The following TRPC5 variants were observed in gnomAD, a reference collection of about 807,000 sequenced individuals.
TRPC5 encodes the protein short transient receptor potential channel 5.
TRPC5 carries 9 observed loss-of-function variants against 56.5 expected under a neutral mutation model. That is an observed-to-expected ratio of 0.16 (90% CI 0.10 to 0.28). The LOEUF (loss-of-function observed/expected upper bound fraction) is 0.28. Among genes scored for constraint, TRPC5 ranks in the 10% least tolerant of loss-of-function variants. The probability of loss-of-function intolerance (pLI) is 1.00; values close to 1 mark genes in which losing one functional copy is unlikely to be tolerated. For missense variants in TRPC5, 469 were observed against 748.9 expected (o/e 0.63, Z 4.36); for synonymous variants, 282 against 278.5 (o/e 1.01, Z -0.13).
intron 6 of TRPC5, among the ~76,000 whole-genome samples, chrX:111,837,156 G>T (rs772783578): frequency 4.5e-5 from 5 of 112,246 alleles, no homozygotes; most frequent in Non-Finnish European, 9.4e-5. Flanking sequence ...GAGTTCAGGG[G>T]CCAGGGCACA....
In TRPC5 at chrX:111,802,056, G is replaced by C. The variant is rs185250054; in HGVS notation, c.1897-19918C>G. ...AATATAGAGTTAGTTTTTGTGTATG[G>C]TATGAAAAAGGAGCCTTACTTTACT... On this transcript the variant is annotated intron_variant, in intron 7 of 10. Coordinates refer to ENST00000262839, the MANE Select transcript of TRPC5 (RefSeq NM_012471.3). Among the ~76,000 whole-genome samples, 6 of 111,687 alleles carry C rather than the reference G, an allele frequency of 5.4e-5. 1 individual carries two copies. In the Admixed American group the frequency reaches 5.7e-4, roughly 11 times the overall value.
At chrX:111,815,055 T>C (rs1321812318) in intron 7 of TRPC5, among the ~76,000 whole-genome samples, 2 of 111,454 alleles carry the variant, frequency 1.8e-5, no homozygotes, top group Non-Finnish European at 3.8e-5. Context: ...CATTACGAAA[T>C]AGGTTATATT....
At chrX:111,839,772 G>A (rs1922672537) in intron 6 of TRPC5, among the ~76,000 whole-genome samples, 1 of 110,627 alleles carries the variant, frequency 9.0e-6, no homozygotes, top group Non-Finnish European at 1.9e-5. Flanking sequence ...GCTGGAGTGT[G>A]GTGGCACAAT....
chrX:111,925,422 T>G (rs1926231952), intron 2 of TRPC5, among the ~76,000 whole-genome samples: 2 of 112,457 alleles, frequency 1.8e-5, no homozygotes, highest in Admixed American at 1.9e-4. Flanking sequence ...CCGCAAACAT[T>G]TCTAAATCCA....
At chrX:111,897,268 T>G (rs1925111957) in intron 3 of TRPC5, among the ~76,000 whole-genome samples, 1 of 111,636 alleles carries the variant, frequency 9.0e-6, no homozygotes, top group Admixed American at 9.6e-5. Flanking sequence ...TTACAGTCCT[T>G]GACACACAAT....
chrX:111,883,331 T>G (rs1048238116), intron 3 of TRPC5, among the ~76,000 whole-genome samples: 10 of 112,195 alleles, frequency 8.9e-5, no homozygotes, highest in South Asian at 7.3e-4. Flanking sequence ...TCAGGGCCAA[T>G]GCCTAGTTAA....
intron 1 of TRPC5, among the ~76,000 whole-genome samples, chrX:112,063,028 G>A (rs185435868): frequency 8.9e-6 from 1 of 111,952 alleles, no homozygotes; most frequent in East Asian, 2.8e-4. Flanking sequence ...AAGGAGCGGT[G>A]GAAGGTAGGA....
At chrX:111,795,343 T>TA (rs771321608) in intron 7 of TRPC5, among the ~76,000 whole-genome samples, 20 of 110,331 alleles carry the variant, frequency 1.8e-4, no homozygotes, top group African/African-American at 3.3e-4. Flanking sequence ...ACCTTTTTTT[T>TA]AAAAAAAAAT....
intron 1 of TRPC5, among the ~76,000 whole-genome samples, chrX:111,954,177 C>T (rs959049821): frequency 2.7e-5 from 3 of 112,386 alleles, no homozygotes; most frequent in African/African-American, 9.7e-5. Flanking sequence ...TGCCTCTGTG[C>T]CTTTACCTTG....
intron 7 of TRPC5, among the ~76,000 whole-genome samples, chrX:111,793,598 C>T (rs1946039377): frequency 9.0e-6 from 1 of 111,390 alleles, no homozygotes; most frequent in South Asian, 3.8e-4. Flanking sequence ...ATACACTGCT[C>T]GTGTGTGTGT....
intron 3 of TRPC5, among the ~76,000 whole-genome samples, chrX:111,873,600 T>C (rs1196026217): frequency 4.5e-5 from 5 of 110,120 alleles, no homozygotes; most frequent in African/African-American, 1.7e-4. Flanking sequence ...CTGGCCAACA[T>C]AGTGAAACCC....
intron 1 of TRPC5, among the ~76,000 whole-genome samples, chrX:112,043,531 A>G (rs10521540): frequency 0.12 from 13,419 of 110,298 alleles, 688 homozygotes; most frequent in African/African-American, 0.16. Flanking sequence ...AGTTGCTATC[A>G]TTTTAAGACC....
chrX:111,952,215 A>G lies in TRPC5; in HGVS notation c.206T>C (p.Leu69Ser). 8.3e-7 allele frequency: 1 copy of G among 1,211,901 alleles called. No individual in the cohort carries two copies. Among genetic ancestry groups the G allele is most frequent in the Non-Finnish European group, 1.1e-6 (1 of 895,569 alleles). Residue 69 changes from leucine (L) to serine (S), a missense_variant, in exon 2 of 11, where the codon TTG becomes TCG. By Grantham distance (145) the Leu-to-Ser change is moderately radical. Coordinates refer to ENST00000262839, the MANE Select transcript of TRPC5 (RefSeq NM_012471.3). ...GGCAATGAGCAGGGCACTCCGGCCC[A>G]AGGGGTCCATGCAGTTGATGTTAAC... The part of the protein sequence containing the change: ...YNVNINCMDP[L>S]GRSALLIAIE...
At chrX:112,044,582 T>C (rs1042237511) in intron 1 of TRPC5, among the ~76,000 whole-genome samples, 1 of 112,249 alleles carries the variant, frequency 8.9e-6, no homozygotes, top group Non-Finnish European at 1.9e-5. Context: ...GTGTTGCCAA[T>C]GTGAAATGCT....
At chrX:111,805,216 G>A (rs1026794726) in intron 7 of TRPC5, among the ~76,000 whole-genome samples, 5 of 111,936 alleles carry the variant, frequency 4.5e-5, no homozygotes, top group Non-Finnish European at 9.4e-5. Context: ...TGATCGTGGT[G>A]GATAAGCTTT....
chrX:112,080,061 G>T (rs1057349592), intron 1 of TRPC5, among the ~76,000 whole-genome samples: 2 of 111,748 alleles, frequency 1.8e-5, no homozygotes, highest in Non-Finnish European at 3.8e-5. Context: ...TTTAACCTAA[G>T]AAAATACTTA....
In TRPC5 at chrX:111,893,612, G is replaced by A. The variant is rs140154601; in HGVS notation, c.900+18679C>T. Among the ~76,000 whole-genome samples the A allele has an allele frequency of 1.7e-3, 195 of 112,072 alleles. 2 individuals are homozygous for A. Among genetic ancestry groups the A allele is most frequent in the African/African-American group, 5.7e-3 (177 of 30,880 alleles). ...GAGGAAAGAAATTCAGTAGAATTTG[G>A]TTTAAATTGACCATAAGGACATTTC... is the stretch of plus-strand genomic sequence containing the variant. On this transcript the variant is annotated intron_variant, in intron 3 of 10. Coordinates refer to ENST00000262839, the MANE Select transcript of TRPC5 (RefSeq NM_012471.3).
At chrX:112,027,741 C>G (rs893664737) in intron 1 of TRPC5, among the ~76,000 whole-genome samples, 1 of 111,269 alleles carries the variant, frequency 9.0e-6, no homozygotes, top group Non-Finnish European at 1.9e-5. Context: ...CATGATCCAC[C>G]CACCTTGGCC....
intron 7 of TRPC5, among the ~76,000 whole-genome samples, chrX:111,821,886 C>CT (rs1025458917): frequency 2.8e-5 from 3 of 107,406 alleles, no homozygotes; most frequent in Admixed American, 1.0e-4. Context: ...AGGATCAATT[C>CT]TTTTTTTTTT....
Sources: gnomAD v4.1 joint callset for allele counts (sites outside exome capture counted in the v4.1 genomes callset) on GRCh38, gnomAD v4.1.1 for gene constraint, MANE v1.5 for transcripts, NCBI Gene and HGNC (gene_info 2026-07-23, HGNC 2026-07-21) for gene names.